TNFRSF19: variants seen among roughly 807,000 people sequenced by gnomAD.
The protein encoded by TNFRSF19 is tumor necrosis factor receptor superfamily member 19.
Under a neutral mutation model 46.4 loss-of-function variants are expected in TNFRSF19, and 27 were observed. The observed-to-expected ratio is 0.58, with a 90% CI of 0.43 to 0.80. TNFRSF19 has a LOEUF of 0.80. Among genes scored for constraint, TNFRSF19 ranks in the 30% least tolerant of loss-of-function variants. The pLI is 0.00. For synonymous variants in TNFRSF19, 204 were observed against 205.0 expected (o/e 1.00, Z 0.04); for missense variants, 511 against 530.8 (o/e 0.96, Z 0.37).
intron 5 of TNFRSF19, among the ~76,000 whole-genome samples, chr13:23,637,901 C>T (rs569385816): frequency 3.6e-4 from 55 of 152,312 alleles, no homozygotes; most frequent in African/African-American, 5.1e-4. Context: ...GGCTGGAGGC[C>T]GGAGCCCAAA....
At chr13:23,671,489 A>G (rs1053314902) in intron 9 of TNFRSF19, among the ~76,000 whole-genome samples, 11 of 140,966 alleles carry the variant, frequency 7.8e-5, no homozygotes, top group African/African-American at 3.0e-4. Flanking sequence ...TTTACGAGAT[A>G]ATCATTTCCA....
At position 23,626,633 on chromosome 13, in the gene TNFRSF19, T is replaced by G. The variant is rs560967880; in HGVS notation, c.360-74T>G. 6.4e-6 allele frequency: 9 copies of G among 1,414,464 alleles called. No homozygotes were observed. In the Admixed American group the frequency reaches 7.1e-5, roughly 11 times the overall value. The allele number at this position is 1,414,464 out of a possible 1,614,324, so 87.6% of individuals were successfully genotyped here. ...TAACCGTAGAACTGGTAATGGAGAC[T>G]GCTGGTAATTTATGACCACAACTGT... On this transcript the variant is annotated intron_variant, in intron 4 of 9. Coordinates refer to ENST00000248484, the MANE Select transcript of TNFRSF19 (RefSeq NM_148957.4).
chr13:23,597,630 A>C (rs1484172879), intron 3 of TNFRSF19, among the ~76,000 whole-genome samples: 1 of 152,204 alleles, frequency 6.6e-6, no homozygotes, highest in Non-Finnish European at 1.5e-5. Context: ...AAAAAAGCTC[A>C]GGACCAGATG....
intron 2 of TNFRSF19, among the ~76,000 whole-genome samples, chr13:23,592,899 T>C (rs1207965640): frequency 6.6e-6 from 1 of 152,244 alleles, no homozygotes; most frequent in Admixed American, 6.5e-5. Flanking sequence ...AATATGTTTA[T>C]ATTTCTTAGA....
At chr13:23,661,264 G>A (rs554018010) in intron 7 of TNFRSF19, among the ~76,000 whole-genome samples, 11 of 152,218 alleles carry the variant, frequency 7.2e-5, no homozygotes, top group Admixed American at 1.3e-4. Context: ...TCATCATTTA[G>A]CTCTTGCTTA....
Position 23,626,752 on chromosome 13 carries a change from T to C in TNFRSF19, c.405T>C (p.Cys135=), listed in dbSNP as rs1254977206. The change falls in exon 5 of 10, where the codon TGT becomes TGC. Residue 135 remains cysteine (C), a synonymous_variant. Coordinates refer to ENST00000248484, the MANE Select transcript of TNFRSF19 (RefSeq NM_148957.4). ...TKLVGFQDME[C]VPCGDPPPPY... is the part of the protein sequence containing the mutation. Reference sequence around the variant, plus strand: ...TTGTCGGCTTTCAAGACATGGAGTGTGTGCCTTGTGGAGACCCTCCTCCTC... The same window carrying C: ...TTGTCGGCTTTCAAGACATGGAGTGCGTGCCTTGTGGAGACCCTCCTCCTC... 4 of 1,614,080 alleles carry C rather than the reference T, an allele frequency of 2.5e-6. No individual in the cohort carries two copies. Among genetic ancestry groups the C allele is most frequent in the Non-Finnish European group, 3.4e-6 (4 of 1,180,034 alleles).
At chr13:23,631,450 G>A (rs752011275) in intron 5 of TNFRSF19, among the ~76,000 whole-genome samples, 3 of 152,138 alleles carry the variant, frequency 2.0e-5, no homozygotes, top group Admixed American at 2.0e-4. Flanking sequence ...TGTCACACAG[G>A]TATGTGGCCT....
intron 5 of TNFRSF19, among the ~76,000 whole-genome samples, chr13:23,636,281 G>A (rs1339740966): frequency 6.6e-6 from 1 of 152,176 alleles, no homozygotes; most frequent in Non-Finnish European, 1.5e-5. Flanking sequence ...GCCAGGGGTC[G>A]TAGGAGGCAT....
chr13:23,670,820 C>T (rs1324086529), intron 9 of TNFRSF19, among the ~76,000 whole-genome samples: 6 of 152,222 alleles, frequency 3.9e-5, no homozygotes, highest in South Asian at 2.1e-4. Flanking sequence ...GAGGGGCCCT[C>T]GCCATGTCTA....
chr13:23,606,597 AC>A (rs1880530217), intron 3 of TNFRSF19, among the ~76,000 whole-genome samples: 1 of 152,194 alleles, frequency 6.6e-6, no homozygotes, highest in Non-Finnish European at 1.5e-5. Context: ...CTCAAATATT[AC>A]TTGGAAAAAA....
chr13:23,615,821 G>T, intron 3 of TNFRSF19, 46 bp from the exon 4 acceptor site: 1 of 1,507,646 alleles, frequency 6.6e-7, no homozygotes, highest in Non-Finnish European at 8.9e-7. Context: ...TCCTTTTCAC[G>T]CTTGCAAAGT....
intron 3 of TNFRSF19, among the ~76,000 whole-genome samples, chr13:23,613,643 T>C (rs183467158): frequency 1.3e-5 from 2 of 152,344 alleles, no homozygotes; most frequent in Non-Finnish European, 2.9e-5. Flanking sequence ...CTCTGCTCTT[T>C]CCTGAACCTT....
intron 1 of TNFRSF19, 68 bp from the exon 2 acceptor site, chr13:23,590,082 T>C: frequency 1.4e-6 from 1 of 724,210 alleles, no homozygotes; most frequent in Non-Finnish European, 2.3e-6. Flanking sequence ...TGGTAGATAT[T>C]ATATAGTAAA....
At chr13:23,598,650 A>G (rs910490052) in intron 3 of TNFRSF19, among the ~76,000 whole-genome samples, 2 of 152,138 alleles carry the variant, frequency 1.3e-5, no homozygotes, top group Non-Finnish European at 2.9e-5. Flanking sequence ...TTCAACCACT[A>G]TGTGCTAAGA....
chr13:23,577,306 TA>T (rs1234711967), intron 1 of TNFRSF19, among the ~76,000 whole-genome samples: 1 of 152,248 alleles, frequency 6.6e-6, no homozygotes, highest in African/African-American at 2.4e-5. Context: ...AGTAATGTGT[TA>T]CTACTGTCTC....
At chr13:23,574,625 T>A (rs1877844703) in intron 1 of TNFRSF19, among the ~76,000 whole-genome samples, 1 of 152,172 alleles carries the variant, frequency 6.6e-6, no homozygotes, top group Non-Finnish European at 1.5e-5. Flanking sequence ...ATTGGTTTAG[T>A]CGGATTCTCT....
intron 2 of TNFRSF19, among the ~76,000 whole-genome samples, chr13:23,592,321 G>C (rs1879369796): frequency 6.6e-6 from 1 of 152,246 alleles, no homozygotes; most frequent in South Asian, 2.1e-4. Context: ...TTCTTGCTTA[G>C]GGTAAGGGGT....
At chr13:23,647,040 G>T (rs1205368689) in intron 5 of TNFRSF19, among the ~76,000 whole-genome samples, 1 of 152,136 alleles carries the variant, frequency 6.6e-6, no homozygotes. Context: ...ATTATTAATG[G>T]TGAGCATCTT....
chr13:23,622,614 A>C (rs375444697), intron 4 of TNFRSF19, among the ~76,000 whole-genome samples: 36 of 152,316 alleles, frequency 2.4e-4, no homozygotes, highest in East Asian at 2.3e-3. Context: ...TAAAATGTTA[A>C]GTAGTGTCTA....
Sources: allele counts gnomAD v4.1 joint callset (sites outside exome capture counted in the v4.1 genomes callset), GRCh38; gene constraint gnomAD v4.1.1; transcripts MANE v1.5; gene names NCBI Gene and HGNC (gene_info 2026-07-23, HGNC 2026-07-21).